CCDC61: variants seen among roughly 807,000 people sequenced by gnomAD.
CCDC61 encodes the protein centrosomal protein CCDC61.
A neutral mutation model predicts 63.0 loss-of-function variants in CCDC61; 55 were observed. The ratio of observed to expected loss-of-function variants is 0.87; its 90% CI spans 0.70 to 1.09. The LOEUF (loss-of-function observed/expected upper bound fraction) is 1.09, where lower values mean the gene tolerates loss of function less well. Ranked by LOEUF, CCDC61 falls within the 50% of genes least tolerant of loss-of-function variation. CCDC61 has a pLI of 0.00. For synonymous variants in CCDC61, 270 were observed against 317.0 expected, an observed-to-expected ratio of 0.85 and a Z score of 1.58; for missense variants, 651 against 731.4, an observed-to-expected ratio of 0.89 and a Z score of 1.27.
In CCDC61 at chr19:46,004,526, G is replaced by A. The variant is rs536340743; in HGVS notation, c.231+1025G>A. Among the ~76,000 whole-genome samples, 6 of 151,902 alleles carry A rather than the reference G, an allele frequency of 3.9e-5. 1 individual carries two copies. Among genetic ancestry groups the A allele is most frequent in the African/African-American group, 7.2e-5 (3 of 41,434 alleles). ...GTCTCCCAGGCTGGAGTGCAGTGGC[G>A]TGATCTCAACTCACTGCAATCTCTG... On this transcript the variant is annotated intron_variant, in intron 3 of 13. Coordinates refer to ENST00000595358, the MANE Select transcript of CCDC61 (RefSeq NM_001267723.2).
rs773571825 is a variant in CCDC61 at position 46,016,149 on chromosome 19, G to C, written c.941G>C (p.Arg314Pro). ...GCGTCGCGAGGCCGCGGCGCCGCGC[G>C]CTCCTCATCCCGGGAGAGCGGCCGC... Reference protein sequence around the residue: ...RSASRGRGAARSSSRESGRGS... With the variant: ...RSASRGRGAAPSSSRESGRGS... The change falls in exon 8 of 14, where the codon CGC becomes CCC. Residue 314 changes from arginine (R) to proline (P), a missense_variant. Arg to Pro is a moderately radical substitution (Grantham distance 103). Transcript: ENST00000595358. The surrounding 1 kb of genome is among the most constrained non-coding windows in gnomAD (Gnocchi z 7.2). 4.6e-5 allele frequency: 57 copies of C among 1,248,166 alleles called. No homozygotes were observed. The highest frequency in any genetic ancestry group is 5.6e-5 in the Non-Finnish European group (56 of 998,566). The allele number at this position is 1,248,166 out of a possible 1,614,324, so 77.3% of individuals were successfully genotyped here. A position where few individuals can be genotyped will look rare whatever the true frequency, so the allele number is the denominator to read the frequency against.
chr19:46,018,495 G>A lies in CCDC61; in HGVS notation c.*108G>A, dbSNP rs373136432. 2.2e-5 allele frequency: 18 copies of A among 827,068 alleles called. No homozygotes were observed. The highest frequency in any genetic ancestry group is 3.4e-5 in the South Asian group (2 of 58,696). 51.2% of individuals were successfully genotyped at this position (827,068 alleles called of 1,614,324 possible). A position where few individuals can be genotyped will look rare whatever the true frequency, so the allele number is the denominator to read the frequency against. On this transcript the variant is annotated 3_prime_UTR_variant, in exon 14 of 14. Coordinates refer to ENST00000595358, the MANE Select transcript of CCDC61 (RefSeq NM_001267723.2). The surrounding 1 kb of genome is among the most constrained non-coding windows in gnomAD (Gnocchi z 4.2). ...CCTGCCCAGTCCCTGCCCTGGCCCC[G>A]TCCCTCCTGCTGCCCCTGGGGTCTC...
At chr19:46,007,998 G>C (rs1600647093) in intron 4 of CCDC61, 142 bp from the exon 5 acceptor site, 1 of 825,524 alleles carries the variant, frequency 1.2e-6, no homozygotes, top group African/African-American at 1.8e-5. Flanking sequence ...GAGGGGCCTT[G>C]AGGATGTGCT....
Position 46,006,588 on chromosome 19 carries a change from G to C in CCDC61, c.261G>C (p.Leu87=), listed in dbSNP as rs1968714098. 1 of 1,610,970 alleles carries C rather than the reference G, an allele frequency of 6.2e-7. No individual in the cohort carries two copies. Among genetic ancestry groups the C allele is most frequent in the African/African-American group, 1.3e-5 (1 of 74,896 alleles). Residue 87 remains leucine, a synonymous_variant, in exon 4 of 14, where the codon CTG becomes CTC. Transcript: ENST00000595358. Reference sequence around the variant, plus strand: ...GTGAGTCAGTCACCCTGGACCTGCTGACCTACACAGACCTGGAGTCCCTGC... The same window carrying C: ...GTGAGTCAGTCACCCTGGACCTGCTCACCTACACAGACCTGGAGTCCCTGC... ...QSSESVTLDL[L]TYTDLESLRN... is the part of the protein sequence containing the mutation.
At chr19:46,004,740 C>G (rs1409436636) in intron 3 of CCDC61, among the ~76,000 whole-genome samples, 3 of 150,986 alleles carry the variant, frequency 2.0e-5, no homozygotes, top group Non-Finnish European at 4.4e-5. Flanking sequence ...GTTGCAATTA[C>G]AAGCGTGAGC....
chr19:46,004,822 G>C (rs559292668), intron 3 of CCDC61, among the ~76,000 whole-genome samples: 2 of 149,748 alleles, frequency 1.3e-5, no homozygotes, highest in Non-Finnish European at 1.5e-5. Context: ...AGGGATGGGT[G>C]GTATTTAGAT....
At chr19:46,009,804 GTGTGTGTGTGTA>G (rs1240906073) in intron 5 of CCDC61, among the ~76,000 whole-genome samples, 6 of 126,928 alleles carry the variant, frequency 4.7e-5, no homozygotes, top group Non-Finnish European at 8.4e-5. Context: ...CTCTCAGGCT[GTGTGTGTGTGTA>G]TGTGTGTGTG....
chr19:46,013,920 C>T (rs1968875973), intron 5 of CCDC61, among the ~76,000 whole-genome samples: 1 of 151,986 alleles, frequency 6.6e-6, no homozygotes. Flanking sequence ...AGGCTATATC[C>T]CGCTTGCTCA....
In CCDC61 at chr19:46,014,744, T is replaced by C. The variant is rs576088133; in HGVS notation, c.552-305T>C. On this transcript the variant is annotated intron_variant, in intron 5 of 13. Transcript: ENST00000595358. The stretch of plus-strand genomic sequence containing the variant: ...TACAGATTGATGAAATCGTTTAGAA[T>C]TGGAACTCACATGGCTGTGTTCCCA... Among the ~76,000 whole-genome samples, 20 of 152,258 alleles carry C rather than the reference T, an allele frequency of 1.3e-4. 1 individual carries two copies. In the South Asian group the frequency reaches 3.9e-3, roughly 30 times the overall value.
intron 1 of CCDC61, among the ~76,000 whole-genome samples, chr19:46,000,355 C>T (rs117008884): frequency 2.9e-3 from 445 of 152,074 alleles, no homozygotes; most frequent in Non-Finnish European, 4.7e-3. Context: ...GTTGGAATAA[C>T]GGGGTGCATT....
intron 1 of CCDC61, among the ~76,000 whole-genome samples, chr19:45,997,451 CGCGAT>C (rs1968514819): frequency 6.6e-6 from 1 of 152,044 alleles, no homozygotes. Flanking sequence ...AGTGCAGTGG[CGCGAT>C]CTCGGCTCAC....
chr19:46,006,071 T>C (rs979207380), intron 3 of CCDC61, among the ~76,000 whole-genome samples: 3 of 152,198 alleles, frequency 2.0e-5, no homozygotes, highest in African/African-American at 7.2e-5. Flanking sequence ...TGTTTGTTTA[T>C]TTCTCTTCCC....
In CCDC61 at chr19:46,016,077, C is replaced by T. The variant is rs748603545; in HGVS notation, c.869C>T (p.Pro290Leu). 3.1e-3 allele frequency: 3,881 copies of T among 1,234,706 alleles called. 7 individuals carry two copies. The highest frequency in any genetic ancestry group is 3.7e-3 in the Non-Finnish European group (3,707 of 990,370). 76.5% of individuals were successfully genotyped at this position (1,234,706 alleles called of 1,614,324 possible). Residue 290 changes from proline (P) to leucine (L), a missense_variant, in exon 8 of 14, where the codon CCG (proline) becomes CTG (leucine). Pro to Leu is a moderately conservative substitution (Grantham distance 98). Transcript: ENST00000595358. This position sits in a 1 kb window ranked among gnomAD's most constrained non-coding sequence, Gnocchi z 7.2. The stretch of plus-strand genomic sequence containing the variant: ...AGGAGGCGGACTCCGCCGGTGCAGC[C>T]GCCCCCGACGCGGGAGGACCGGGCC... Reference protein sequence around the residue: ...KRGRRTPPVQPPPTREDRASS... With the variant: ...KRGRRTPPVQLPPTREDRASS...
Position 46,018,379 on chromosome 19 carries a change from C to T in CCDC61, c.1531C>T (p.Arg511Trp), listed in dbSNP as rs767669346. ...GGAGTACATGAACCGACTGGACATG[C>T]GGTCATAACGTGGAGAAGGGGTACT... ...LQEYMNRLDM[R>W]S The change falls in exon 14 of 14, where the codon CGG becomes TGG. Residue 511 changes from arginine (R) to tryptophan (W), a missense_variant. By Grantham distance (101) the Arg-to-Trp change is moderately radical. Coordinates refer to ENST00000595358, the MANE Select transcript of CCDC61 (RefSeq NM_001267723.2). This position sits in a 1 kb window ranked among gnomAD's most constrained non-coding sequence, Gnocchi z 4.2. The T allele has an allele frequency of 1.2e-5, 19 of 1,565,694 alleles. No individual in the cohort carries two copies. Among genetic ancestry groups the T allele is most frequent in the African/African-American group, 2.7e-5 (2 of 73,514 alleles).
intron 5 of CCDC61, 109 bp from the exon 6 acceptor site, chr19:46,014,940 C>A: frequency 2.2e-6 from 2 of 927,704 alleles, no homozygotes; most frequent in Non-Finnish European, 3.0e-6. Flanking sequence ...GACTGATGAG[C>A]CGTGTACCCC....
At chr19:46,011,877 A>G (rs569196745) in intron 5 of CCDC61, among the ~76,000 whole-genome samples, 2 of 152,206 alleles carry the variant, frequency 1.3e-5, no homozygotes, top group South Asian at 4.1e-4. Flanking sequence ...ATCTCTGCTC[A>G]CTGCAACCTC....
Position 46,008,161 on chromosome 19 carries a change from C to T in CCDC61, c.411C>T (p.Leu137=), listed in dbSNP as rs961556342. The T allele has an allele frequency of 1.2e-6, 2 of 1,611,694 alleles. No individual in the cohort carries two copies. The highest frequency in any genetic ancestry group is 1.3e-5 in the African/African-American group (1 of 74,910). Residue 137 remains leucine, a synonymous_variant, in exon 5 of 14, where the codon CTC becomes CTT. Coordinates refer to ENST00000595358, the MANE Select transcript of CCDC61 (RefSeq NM_001267723.2). ...EFDRIHYPLP[L]PYQGKPDPVV... ...TCAGGATTCACTACCCGCTGCCCCT[C>T]CCGTACCAGGGCAAGCCAGACCCCG...
intron 3 of CCDC61, among the ~76,000 whole-genome samples, chr19:46,003,861 G>A (rs1968644301): frequency 7.0e-6 from 1 of 143,780 alleles, no homozygotes; most frequent in Non-Finnish European, 1.5e-5. Flanking sequence ...GTGTGTGTGT[G>A]TATGCATTTG....
intron 1 of CCDC61, among the ~76,000 whole-genome samples, chr19:45,999,752 G>T (rs1023488966): frequency 2.4e-4 from 36 of 152,230 alleles, no homozygotes; most frequent in African/African-American, 7.9e-4. Context: ...AATGATGAGA[G>T]GGAGAGAGCT....
Sources: gnomAD v4.1 joint callset for allele counts (sites outside exome capture counted in the v4.1 genomes callset) on GRCh38, gnomAD v4.1.1 for gene constraint, Gnocchi (gnomAD v3.1) non-coding constraint, MANE v1.5 for transcripts, NCBI Gene and HGNC (gene_info 2026-07-23, HGNC 2026-07-21) for gene names.